Variants in AMZ2 observed in about 807,000 individuals in gnomAD.
The protein encoded by AMZ2 is archaemetzincin-2.
Under a neutral mutation model 36.7 loss-of-function variants are expected in AMZ2, and 26 were observed. The ratio of observed to expected loss-of-function variants is 0.71; its 90% CI spans 0.52 to 0.98. The LOEUF (loss-of-function observed/expected upper bound fraction) is 0.98, where lower values mean the gene tolerates loss of function less well. Ranked by LOEUF, AMZ2 falls within the 50% of genes least tolerant of loss-of-function variation. The pLI is 0.00. For synonymous variants in AMZ2, 144 were observed against 149.1 expected, an observed-to-expected ratio of 0.97 and a Z score of 0.25; for missense variants, 394 against 430.5, an observed-to-expected ratio of 0.92 and a Z score of 0.75.
chr17:68,227,157 C>T (rs1263739693), intron 1 of AMZ2, among the ~76,000 whole-genome samples: 7 of 152,214 alleles, frequency 4.6e-5, no homozygotes, highest in African/African-American at 1.7e-4. Context: ...GAAATGTTCC[C>T]ACTGGTGTCA....
chr17:68,236,291 CACTT>C (rs1288788766), intron 1 of AMZ2, among the ~76,000 whole-genome samples: 3 of 151,768 alleles, frequency 2.0e-5, no homozygotes, highest in South Asian at 2.1e-4. Context: ...TGTTTATAAA[CACTT>C]AAACTATGTA....
chr17:68,241,626 G>T (rs1555733986), intron 1 of AMZ2, among the ~76,000 whole-genome samples: 1 of 151,824 alleles, frequency 6.6e-6, no homozygotes, highest in Non-Finnish European at 1.5e-5. Context: ...TATGGGGTGG[G>T]GACTATTACT....
chr17:68,252,696 AT>A (rs539448382), intron 4 of AMZ2, among the ~76,000 whole-genome samples: 2 of 151,364 alleles, frequency 1.3e-5, no homozygotes, highest in Admixed American at 6.6e-5. Flanking sequence ...GCCAGATGGG[AT>A]TTTTTTTGGC....
chr17:68,256,603 T>C (rs1555742903), intron 6 of AMZ2, among the ~76,000 whole-genome samples: 2 of 152,120 alleles, frequency 1.3e-5, no homozygotes, highest in African/African-American at 4.8e-5. Context: ...AGTGCGTACT[T>C]TTGACATCAT....
chr17:68,225,429 A>T (rs1469119652), intron 1 of AMZ2, among the ~76,000 whole-genome samples: 1 of 152,200 alleles, frequency 6.6e-6, no homozygotes, highest in African/African-American at 2.4e-5. Flanking sequence ...GTAAATTATT[A>T]TTAACTCCAT....
At chr17:68,241,502 C>A (rs2073899502) in intron 1 of AMZ2, among the ~76,000 whole-genome samples, 2 of 151,878 alleles carry the variant, frequency 1.3e-5, no homozygotes, top group Admixed American at 1.3e-4. Flanking sequence ...CAGATGCTAC[C>A]TAAAATTAAA....
intron 1 of AMZ2, among the ~76,000 whole-genome samples, chr17:68,227,687 CCT>C (rs1298925177): frequency 1.3e-5 from 2 of 152,152 alleles, no homozygotes; most frequent in Non-Finnish European, 2.9e-5. Flanking sequence ...GTCTGATATC[CCT>C]CTGTCTCCCT....
At chr17:68,255,370 A>G (rs1364700287) in intron 5 of AMZ2, among the ~76,000 whole-genome samples, 3 of 152,250 alleles carry the variant, frequency 2.0e-5, no homozygotes, top group East Asian at 1.9e-4. Flanking sequence ...GATTTTCACA[A>G]TCAGGGAGGG....
chr17:68,214,358 G>A (rs2073142501), intron 1 of AMZ2, among the ~76,000 whole-genome samples: 3 of 152,308 alleles, frequency 2.0e-5, no homozygotes, highest in South Asian at 2.1e-4. Flanking sequence ...TTGAAGCATG[G>A]AGGTCTTGCT....
At chr17:68,234,157 C>T (rs1232371982) in intron 1 of AMZ2, among the ~76,000 whole-genome samples, 2 of 151,904 alleles carry the variant, frequency 1.3e-5, no homozygotes, top group Non-Finnish European at 2.9e-5. Flanking sequence ...CATGGAGAAC[C>T]CCTGTTTCTA....
intron 1 of AMZ2, among the ~76,000 whole-genome samples, chr17:68,217,977 T>C (rs1360378587): frequency 1.3e-5 from 2 of 152,052 alleles, no homozygotes; most frequent in Non-Finnish European, 2.9e-5. Context: ...CACGCCCACC[T>C]AATTTTGTGT....
intron 1 of AMZ2, among the ~76,000 whole-genome samples, chr17:68,222,583 G>C (rs1271574611): frequency 6.6e-6 from 1 of 152,164 alleles, no homozygotes; most frequent in Non-Finnish European, 1.5e-5. Flanking sequence ...GAATCAGTGG[G>C]AGCAGTGAGC....
chr17:68,226,232 T>C (rs1330762256), intron 1 of AMZ2, among the ~76,000 whole-genome samples: 2 of 152,092 alleles, frequency 1.3e-5, no homozygotes, highest in Non-Finnish European at 2.9e-5. Context: ...AACGAAAAGA[T>C]GCCAAGCAAA....
At chr17:68,243,951 T>C (rs2073953533), upstream of AMZ2, among the ~76,000 whole-genome samples, 1 of 152,230 alleles carries the variant, frequency 6.6e-6, no homozygotes, top group Admixed American at 6.5e-5. Context: ...ATATATCTTC[T>C]GGCTATAAAG....
At chr17:68,255,360 G>A (rs1163338627) in intron 5 of AMZ2, among the ~76,000 whole-genome samples, 1 of 152,122 alleles carries the variant, frequency 6.6e-6, no homozygotes, top group Non-Finnish European at 1.5e-5. Context: ...AGACATTTTT[G>A]ATTTTCACAA....
intron 1 of AMZ2, among the ~76,000 whole-genome samples, chr17:68,216,385 C>A (rs1555727252): frequency 1.3e-5 from 2 of 152,308 alleles, no homozygotes; most frequent in Middle Eastern, 3.4e-3. Context: ...CCTCCCACCG[C>A]AGCCTCCCAA....
chr17:68,221,923 C>T (rs1247633663), intron 1 of AMZ2, among the ~76,000 whole-genome samples: 2 of 152,064 alleles, frequency 1.3e-5, no homozygotes, highest in Non-Finnish European at 2.9e-5. Context: ...CAGAATGACA[C>T]GACCTCAGCG....
chr17:68,207,922 G>C (rs1171273330), intron 1 of AMZ2, among the ~76,000 whole-genome samples: 2 of 152,234 alleles, frequency 1.3e-5, no homozygotes, highest in Non-Finnish European at 2.9e-5. Flanking sequence ...GTTCCCAGTG[G>C]GTGTGGGCTC....
chr17:68,253,134 T>C (rs1351001158), intron 4 of AMZ2, among the ~76,000 whole-genome samples: 17 of 152,216 alleles, frequency 1.1e-4, no homozygotes, highest in Admixed American at 5.9e-4. Flanking sequence ...GGAAATGTCC[T>C]TGCTGAAAGT....
Sources: allele counts gnomAD v4.1 joint callset (sites outside exome capture counted in the v4.1 genomes callset), GRCh38; gene constraint gnomAD v4.1.1; transcripts MANE v1.5; gene names NCBI Gene and HGNC (gene_info 2026-07-23, HGNC 2026-07-21).